MUSK: variants seen among roughly 807,000 people sequenced by gnomAD.
MUSK encodes muscle associated receptor tyrosine kinase.
In MUSK, 55 loss-of-function variants were observed where a neutral mutation model predicts 88.7. The observed-to-expected ratio is 0.62, with a 90% CI of 0.50 to 0.78. The LOEUF (loss-of-function observed/expected upper bound fraction) is 0.78. MUSK is among the 30% of genes least tolerant of loss of function. The pLI is 0.00. For missense variants in MUSK, 1,015 were observed against 1,074.3 expected, an observed-to-expected ratio of 0.94 and a Z score of 0.77; for synonymous variants, 387 against 391.9, an observed-to-expected ratio of 0.99 and a Z score of 0.15.
At chr9:110,720,187 G>T (rs2076792907) in intron 5 of MUSK, among the ~76,000 whole-genome samples, 1 of 151,874 alleles carries the variant, frequency 6.6e-6, no homozygotes. Context: ...CATGCAATTG[G>T]TGAAACAAGA....
chr9:110,736,406 T>C (rs1166120013), intron 6 of MUSK, among the ~76,000 whole-genome samples: 2 of 151,596 alleles, frequency 1.3e-5, no homozygotes, highest in Admixed American at 6.6e-5. Flanking sequence ...TCTGAAGGAG[T>C]TGAAGGGTGA....
At position 110,668,884 on chromosome 9, in the gene MUSK, C is replaced by G; in HGVS notation, c.-21C>G. ...TGCGTTGTCCAGAAGGAACTTCGTC[C>G]TGCGTGAGCCTGGATTAATCATGAG... On this transcript the variant is annotated 5_prime_UTR_variant, in exon 1 of 15. Transcript: ENST00000374448. 6.2e-7 allele frequency: 1 copy of G among 1,603,064 alleles called. No individual in the cohort carries two copies. Among genetic ancestry groups the G allele is most frequent in the Non-Finnish European group, 8.5e-7 (1 of 1,170,172 alleles).
intron 14 of MUSK, among the ~76,000 whole-genome samples, chr9:110,798,819 A>G (rs1249286019): frequency 6.6e-6 from 1 of 152,182 alleles, no homozygotes; most frequent in East Asian, 1.9e-4. Context: ...TGTAAATTAT[A>G]TCTATACACA....
chr9:110,800,392 C>T lies in MUSK; in HGVS notation c.2014C>T (p.Pro672Ser), dbSNP rs779042240. The T allele has an allele frequency of 8.1e-6, 13 of 1,613,836 alleles. No individual in the cohort carries two copies. The South Asian group carries it at 1.4e-4, about 18-fold the overall frequency. ...CAATGAGTTCCTCCGCAGCATGTCC[C>T]CTCACACCGTGTGCAGCCTCAGTCA... The part of the protein sequence containing the change: ...DLNEFLRSMS[P>S]HTVCSLSHSD... Residue 672 changes from proline (P) to serine (S), a missense_variant, in exon 15 of 15, where the codon CCT (proline) becomes TCT (serine). Coordinates refer to ENST00000374448, the MANE Select transcript of MUSK (RefSeq NM_005592.4).
intron 1 of MUSK, among the ~76,000 whole-genome samples, chr9:110,672,986 G>T (rs1416801491): frequency 6.6e-6 from 1 of 152,198 alleles, no homozygotes; most frequent in Admixed American, 6.5e-5. Context: ...ATTGAGAGAA[G>T]AAATAGTGCC....
At position 110,804,313 on chromosome 9, in the gene MUSK, T is replaced by C. The variant is rs1223977138; in HGVS notation, c.*3325T>C. On this transcript the variant is annotated 3_prime_UTR_variant, in exon 15 of 15. Coordinates refer to ENST00000374448, the MANE Select transcript of MUSK (RefSeq NM_005592.4). The stretch of plus-strand genomic sequence containing the variant: ...TGTCTGGACCAAATGGCATGTACAA[T>C]ATTAACACTTCTGTTATGTGGTTTC... Among the ~76,000 whole-genome samples, 3 of 152,148 alleles carry C rather than the reference T, an allele frequency of 2.0e-5. No homozygotes were observed. The highest frequency in any genetic ancestry group is 4.4e-5 in the Non-Finnish European group (3 of 67,996).
chr9:110,689,594 TATAAC>T (rs2076264639), intron 3 of MUSK, among the ~76,000 whole-genome samples: 2 of 104,942 alleles, frequency 1.9e-5, no homozygotes, highest in Non-Finnish European at 1.7e-5. Flanking sequence ...CTACATAATA[TATAAC>T]ATATTATATA....
At chr9:110,747,234 C>T (rs1587985349) in intron 6 of MUSK, among the ~76,000 whole-genome samples, 1 of 152,188 alleles carries the variant, frequency 6.6e-6, no homozygotes, top group Non-Finnish European at 1.5e-5. Context: ...TTATGCGTAC[C>T]TTGGATGGTT....
intron 11 of MUSK, among the ~76,000 whole-genome samples, chr9:110,781,044 T>C (rs1249142539): frequency 6.6e-6 from 1 of 152,152 alleles, no homozygotes; most frequent in Non-Finnish European, 1.5e-5. Context: ...ATACAAGGAC[T>C]TTTATCACTA....
chr9:110,728,416 T>G, intron 5 of MUSK: 1 of 414,636 alleles, frequency 2.4e-6, no homozygotes. Flanking sequence ...AAGAGCTACA[T>G]TGTTAGGTAT....
chr9:110,748,021 G>C (rs2077197728), intron 7 of MUSK: 1 of 684,992 alleles, frequency 1.5e-6, no homozygotes, highest in African/African-American at 1.8e-5. Flanking sequence ...TACCCAAGTG[G>C]TAGGTAACAG....
intron 5 of MUSK, among the ~76,000 whole-genome samples, chr9:110,698,432 C>T (rs1365528578): frequency 8.5e-5 from 13 of 152,190 alleles, no homozygotes; most frequent in Non-Finnish European, 1.9e-4. Context: ...ACAGTTCAAT[C>T]AGGAAAAGAC....
intron 9 of MUSK, among the ~76,000 whole-genome samples, chr9:110,772,009 C>T (rs2077583614): frequency 6.6e-6 from 1 of 151,558 alleles, no homozygotes; most frequent in South Asian, 2.1e-4. Flanking sequence ...TATTTATATA[C>T]AACAACCGCT....
At chr9:110,688,700 T>G (rs2076230347) in intron 3 of MUSK, among the ~76,000 whole-genome samples, 1 of 151,866 alleles carries the variant, frequency 6.6e-6, no homozygotes, top group Admixed American at 6.6e-5. Flanking sequence ...CACTTCTAAG[T>G]GAGAACATGC....
chr9:110,761,212 C>T (rs1029368808), intron 7 of MUSK, among the ~76,000 whole-genome samples: 4 of 152,152 alleles, frequency 2.6e-5, no homozygotes, highest in South Asian at 2.1e-4. Context: ...GCTGTTTGTC[C>T]TGGGAATCAC....
chr9:110,785,138 G>A, intron 12 of MUSK, 122 bp downstream of exon 12: 1 of 893,776 alleles, frequency 1.1e-6, no homozygotes, highest in Non-Finnish European at 1.7e-6. Context: ...CCGTAGCCCT[G>A]CTTTAAAATT....
intron 11 of MUSK, among the ~76,000 whole-genome samples, chr9:110,776,905 T>G (rs2767011): frequency 1.3e-5 from 2 of 151,758 alleles, no homozygotes; most frequent in African/African-American, 4.8e-5. Flanking sequence ...CCTCAAGGTT[T>G]TTAGTCTGTT....
At chr9:110,689,171 A>C (rs1442180973) in intron 3 of MUSK, among the ~76,000 whole-genome samples, 2 of 80,336 alleles carry the variant, frequency 2.5e-5, no homozygotes, top group African/African-American at 1.4e-4. Context: ...TAAATAAACT[A>C]TATATTTATA....
intron 6 of MUSK, among the ~76,000 whole-genome samples, chr9:110,741,925 C>T (rs1458899382): frequency 1.3e-5 from 2 of 152,248 alleles, no homozygotes; most frequent in African/African-American, 2.4e-5. Flanking sequence ...CTAACACAGA[C>T]GTCAGGTGGC....
Sources: gnomAD v4.1 joint callset for allele counts (sites outside exome capture counted in the v4.1 genomes callset) on GRCh38, gnomAD v4.1.1 for gene constraint, MANE v1.5 for transcripts, NCBI Gene and HGNC (gene_info 2026-07-23, HGNC 2026-07-21) for gene names.